FNIP2: variants seen among roughly 807,000 people sequenced by gnomAD.
FNIP2 encodes folliculin-interacting protein 2.
A neutral mutation model predicts 108.7 loss-of-function variants in FNIP2; 32 were observed. The observed-to-expected ratio is 0.29, with a 90% CI of 0.22 to 0.40. The LOEUF is 0.40. Ranked by LOEUF, FNIP2 falls within the 10% of genes least tolerant of loss-of-function variation. The pLI is 1.00. For missense variants in FNIP2, 1,202 were observed against 1,381.6 expected (o/e 0.87, Z 2.06); for synonymous variants, 480 against 496.7 (o/e 0.97, Z 0.45).
At chr4:158,871,182 C>T (rs1209881337) in intron 14 of FNIP2, among the ~76,000 whole-genome samples, 1 of 152,156 alleles carries the variant, frequency 6.6e-6, no homozygotes, top group Non-Finnish European at 1.5e-5. Flanking sequence ...TGCCTCGTGG[C>T]TGCTATTAAG....
intron 14 of FNIP2, among the ~76,000 whole-genome samples, chr4:158,883,771 T>A (rs200286364): frequency 6.6e-6 from 1 of 152,190 alleles, no homozygotes; most frequent in African/African-American, 2.4e-5. Context: ...GAAGTGGCTG[T>A]GTTTTCTCCT....
At chr4:158,773,259 A>G (rs1305888117) in intron 1 of FNIP2, among the ~76,000 whole-genome samples, 1 of 152,094 alleles carries the variant, frequency 6.6e-6, no homozygotes, top group Non-Finnish European at 1.5e-5. Flanking sequence ...CTATTGGCAC[A>G]CTCCTTACAT....
intron 14 of FNIP2, among the ~76,000 whole-genome samples, chr4:158,881,802 A>G (rs2126745860): frequency 6.6e-6 from 1 of 152,210 alleles, no homozygotes; most frequent in African/African-American, 2.4e-5. Flanking sequence ...GGCTCGCTAC[A>G]ACCTCCACCT....
chr4:158,771,360 C>A (rs115234696), intron 1 of FNIP2, among the ~76,000 whole-genome samples: 250 of 152,318 alleles, frequency 1.6e-3, no homozygotes, highest in African/African-American at 5.6e-3. Flanking sequence ...TCCTTTTGCT[C>A]TTTTCACCTG....
intron 1 of FNIP2, among the ~76,000 whole-genome samples, chr4:158,778,247 A>G (rs772669856): frequency 1.6e-4 from 24 of 152,218 alleles, no homozygotes; most frequent in Non-Finnish European, 5.9e-5. Flanking sequence ...CAAGCACACT[A>G]CAATAGTCTT....
At chr4:158,787,779 A>G (rs1476114525) in intron 1 of FNIP2, among the ~76,000 whole-genome samples, 1 of 152,190 alleles carries the variant, frequency 6.6e-6, no homozygotes, top group Non-Finnish European at 1.5e-5. Flanking sequence ...GACGTAAATT[A>G]TGTAACTCTG....
At chr4:158,778,409 C>A (rs1229690940) in intron 1 of FNIP2, among the ~76,000 whole-genome samples, 2 of 152,170 alleles carry the variant, frequency 1.3e-5, no homozygotes, top group African/African-American at 2.4e-5. Context: ...AAAGAAGATT[C>A]CAGAAATAAA....
Position 158,869,240 on chromosome 4 carries a change from G to A in FNIP2, c.2604G>A (p.Ala868=), listed in dbSNP as rs185403526. ...VQRGPGLVAG[A]NIPCGDDNKK... is the part of the protein sequence containing the mutation. ...GGGGCCCTGGCCTCGTGGCTGGTGC[G>A]AATATCCCCTGTGGGGATGACAACA... The change falls in exon 13 of 17, where the codon GCG becomes GCA. Residue 868 remains alanine, a synonymous_variant. Transcript: ENST00000264433. 3,616 of 1,614,024 alleles carry A rather than the reference G, an allele frequency of 2.2e-3. 98 individuals are homozygous for A. In the Admixed American group the frequency reaches 0.049, roughly 22 times the overall value.
At chr4:158,800,890 TCTCTGTG>T (rs1481842365) in intron 1 of FNIP2, among the ~76,000 whole-genome samples, 2 of 152,208 alleles carry the variant, frequency 1.3e-5, no homozygotes. Context: ...GGGTGCCTTC[TCTCTGTG>T]CTCTGGGTGC....
chr4:158,805,687 G>T (rs1776922655), intron 1 of FNIP2, among the ~76,000 whole-genome samples: 1 of 152,244 alleles, frequency 6.6e-6, no homozygotes, highest in South Asian at 2.1e-4. Flanking sequence ...CCTGTCAGCT[G>T]ACACTGGCTC....
intron 7 of FNIP2, among the ~76,000 whole-genome samples, chr4:158,841,034 CTGCAGATACAGGATG>C (rs1461114591): frequency 2.6e-5 from 4 of 152,168 alleles, no homozygotes; most frequent in African/African-American, 7.2e-5. Flanking sequence ...TTTGGTCACT[CTGCAGATACAGGATG>C]TATAACCATC....
intron 8 of FNIP2, among the ~76,000 whole-genome samples, chr4:158,856,199 T>G (rs1779974254): frequency 1.3e-5 from 2 of 152,182 alleles, no homozygotes; most frequent in East Asian, 3.8e-4. Flanking sequence ...GCCTTTTGAT[T>G]TGACTTATTA....
intron 1 of FNIP2, among the ~76,000 whole-genome samples, chr4:158,774,979 G>A (rs892425599): frequency 6.6e-6 from 1 of 152,180 alleles, no homozygotes; most frequent in Non-Finnish European, 1.5e-5. Flanking sequence ...TTAATGCATG[G>A]AGTATATAGC....
rs375375837 is a variant in FNIP2 at position 158,830,304 on chromosome 4, G to A, written c.381+1079G>A. ...GGAGTCTCGCTCTGTCGCCCAGGCC[G>A]GACTGCGGACTGCAGTGGCGCAATC... On this transcript the variant is annotated intron_variant, in intron 3 of 16. Transcript: ENST00000264433. 1.2e-4 allele frequency among the ~76,000 whole-genome samples: 17 copies of A among 143,514 alleles called. No homozygotes were observed. In the East Asian group the frequency reaches 1.8e-3, roughly 15 times the overall value. The allele number at this position is 143,514 out of a possible 152,430, so 94.2% of individuals were successfully genotyped here.
intron 12 of FNIP2, among the ~76,000 whole-genome samples, chr4:158,864,452 G>A (rs770447561): frequency 6.6e-6 from 1 of 152,212 alleles, no homozygotes; most frequent in Non-Finnish European, 1.5e-5. Flanking sequence ...AGACACTGTT[G>A]AAAGGGGAAT....
chr4:158,783,465 T>C lies in FNIP2; in HGVS notation c.107+14146T>C, dbSNP rs1455403021. Among the ~76,000 whole-genome samples, 5 of 152,362 alleles carry C rather than the reference T, an allele frequency of 3.3e-5. No individual in the cohort carries two copies. The East Asian group carries it at 9.6e-4, about 29-fold the overall frequency. On this transcript the variant is annotated intron_variant, in intron 1 of 16. Transcript: ENST00000264433. ...AGAAAATAATTGGGTCTCTCTTCTT[T>C]AATTCAAATTCCAAAGTATTGTAAA...
chr4:158,856,305 A>G (rs1381515383), intron 8 of FNIP2, among the ~76,000 whole-genome samples: 4 of 152,248 alleles, frequency 2.6e-5, no homozygotes, highest in African/African-American at 9.6e-5. Flanking sequence ...GTTCAGTATA[A>G]GTTCAAAACT....
chr4:158,827,969 G>A (rs1778250119), intron 2 of FNIP2, among the ~76,000 whole-genome samples: 1 of 151,062 alleles, frequency 6.6e-6, no homozygotes, highest in Admixed American at 6.6e-5. Flanking sequence ...TTTTTTCCAA[G>A]CAAAAGCTAC....
In FNIP2 at chr4:158,868,256, T is replaced by C. The variant is rs774225579; in HGVS notation, c.1620T>C (p.Asn540=). The change falls in exon 13 of 17, where the codon AAT becomes AAC. Residue 540 remains asparagine (N), a synonymous_variant. Transcript: ENST00000264433. The surrounding 1 kb of genome is among the most constrained non-coding windows in gnomAD (Gnocchi z 4.6). The part of the protein sequence containing the change: ...LQENQLTWSG[N]HGEGDQVLNG... Reference sequence around the variant, plus strand: ...AGAACCAGCTGACCTGGAGTGGCAATCATGGTGAAGGTGACCAAGTTTTAA... The same window carrying C: ...AGAACCAGCTGACCTGGAGTGGCAACCATGGTGAAGGTGACCAAGTTTTAA... 8.1e-6 allele frequency: 13 copies of C among 1,613,936 alleles called. No individual in the cohort carries two copies. Among genetic ancestry groups the C allele is most frequent in the Non-Finnish European group, 1.1e-5 (13 of 1,179,900 alleles).
Sources: gnomAD v4.1 joint callset for allele counts (sites outside exome capture counted in the v4.1 genomes callset) on GRCh38, gnomAD v4.1.1 for gene constraint, Gnocchi (gnomAD v3.1) non-coding constraint, MANE v1.5 for transcripts, NCBI Gene and HGNC (gene_info 2026-07-23, HGNC 2026-07-21) for gene names.